Variants in SLC8A3 observed in about 807,000 individuals in gnomAD.
SLC8A3 encodes solute carrier family 8 member A3.
A neutral mutation model predicts 65.4 loss-of-function variants in SLC8A3; 37 were observed. The observed-to-expected ratio is 0.57, with a 90% CI of 0.44 to 0.74. The LOEUF (loss-of-function observed/expected upper bound fraction) is 0.74, where lower values mean the gene tolerates loss of function less well. Ranked by LOEUF, SLC8A3 falls within the 30% of genes least tolerant of loss-of-function variation. SLC8A3 has a pLI of 0.00. For missense variants in SLC8A3, 1,112 were observed against 1,172.1 expected (o/e 0.95, Z 0.75); for synonymous variants, 461 against 444.5 (o/e 1.04, Z -0.47).
chr14:70,081,409 A>G (rs1891042086), intron 2 of SLC8A3, among the ~76,000 whole-genome samples: 1 of 152,252 alleles, frequency 6.6e-6, no homozygotes, highest in Non-Finnish European at 1.5e-5. Context: ...TGGGAGATGG[A>G]ATAAAATTGC....
At chr14:70,086,530 T>C (rs1891459163) in intron 2 of SLC8A3, among the ~76,000 whole-genome samples, 1 of 151,330 alleles carries the variant, frequency 6.6e-6, no homozygotes, top group African/African-American at 2.4e-5. Flanking sequence ...GCCTCCCGAG[T>C]AGCTGGGATT....
chr14:70,062,517 G>A (rs1888922478), intron 2 of SLC8A3, among the ~76,000 whole-genome samples: 1 of 152,184 alleles, frequency 6.6e-6, no homozygotes, highest in Non-Finnish European at 1.5e-5. Context: ...CAGGTTTGTA[G>A]CCTAGGAGCA....
intron 2 of SLC8A3, among the ~76,000 whole-genome samples, chr14:70,101,479 G>C (rs1443869659): frequency 2.0e-5 from 3 of 152,184 alleles, no homozygotes; most frequent in African/African-American, 7.2e-5. Flanking sequence ...GGTGCAATAA[G>C]AAACTAGAGA....
intron 2 of SLC8A3, among the ~76,000 whole-genome samples, chr14:70,070,467 G>A (rs538574377): frequency 6.6e-6 from 1 of 152,304 alleles, no homozygotes; most frequent in Middle Eastern, 3.4e-3. Context: ...GCAGAGCTGG[G>A]AATTGAATTC....
intron 1 of SLC8A3, among the ~76,000 whole-genome samples, chr14:70,187,630 T>TGGG (rs1566843481): frequency 7.3e-6 from 1 of 136,476 alleles, no homozygotes. Context: ...TGTGTGTGTG[T>TGGG]GTGTGTGTGT....
chr14:70,082,977 A>G (rs72729859), intron 2 of SLC8A3, among the ~76,000 whole-genome samples: 8,825 of 152,166 alleles, frequency 0.058, 265 homozygotes, highest in Non-Finnish European at 0.065. Context: ...AGGGACAGGT[A>G]GGGAGAGGAG....
chr14:70,113,622 C>T (rs1893458432), intron 2 of SLC8A3, among the ~76,000 whole-genome samples: 1 of 152,130 alleles, frequency 6.6e-6, no homozygotes, highest in Admixed American at 6.5e-5. Flanking sequence ...GCCATTCTTA[C>T]CTCAATGTTG....
chr14:70,079,509 A>C (rs577309565), intron 2 of SLC8A3, among the ~76,000 whole-genome samples: 1 of 152,142 alleles, frequency 6.6e-6, no homozygotes, highest in Admixed American at 6.5e-5. Flanking sequence ...TCTAAAAAAA[A>C]AATCTATTGA....
At chr14:70,107,461 G>A (rs79094109) in intron 2 of SLC8A3, among the ~76,000 whole-genome samples, 5,275 of 152,114 alleles carry the variant, frequency 0.035, 328 homozygotes, top group African/African-American at 0.12. Context: ...GGGCACCCAA[G>A]GCATTTTCAG....
chr14:70,167,858 T>A lies in SLC8A3; in HGVS notation c.565A>T (p.Ile189Phe). 6.2e-7 allele frequency: 1 copy of A among 1,614,122 alleles called. No homozygotes were observed. The change falls in exon 2 of 7, where the codon ATC (isoleucine) becomes TTC (phenylalanine). Residue 189 changes from isoleucine to phenylalanine, a missense_variant. Transcript: ENST00000356921. ...FIIIGICVYV[I>F]PDGETRKIKH... ...ATCTTGCGAGTCTCTCCGTCTGGGA[T>A]CACGTAGACACAGATGCCAATGATG...
At chr14:70,165,955 A>G (rs562279757) in intron 2 of SLC8A3, among the ~76,000 whole-genome samples, 2 of 152,322 alleles carry the variant, frequency 1.3e-5, no homozygotes, top group South Asian at 4.1e-4. Flanking sequence ...CTGCCCTGGG[A>G]GCTCTGCTTC....
intron 2 of SLC8A3, among the ~76,000 whole-genome samples, chr14:70,096,517 T>C (rs1217794033): frequency 2.0e-5 from 3 of 152,160 alleles, no homozygotes; most frequent in Admixed American, 6.5e-5. Flanking sequence ...GCAATATAGA[T>C]TGGTGATTAA....
In SLC8A3 at chr14:70,048,889, A is replaced by T. The variant is rs1367587764; in HGVS notation, c.2267T>A (p.Ile756Asn). 2 of 1,614,084 alleles carry T rather than the reference A, an allele frequency of 1.2e-6. No individual in the cohort carries two copies. The highest frequency in any genetic ancestry group is 1.3e-5 in the African/African-American group (1 of 74,934). Residue 756 changes from isoleucine (I) to asparagine (N), a missense_variant, in exon 6 of 7, where the codon ATC (isoleucine) becomes AAC (asparagine). Physicochemically the swap from Ile to Asn is moderately radical, Grantham distance 149 (BLOSUM62 -3). Transcript: ENST00000356921. ...GGCGGTGAGCATGCCAATGATGAGG[A>T]TGGAGACGGCGAAGCAGGCCCAGCC... The part of the protein sequence containing the change: ...CHGWACFAVS[I>N]LIIGMLTAII...
At chr14:70,135,547 T>C (rs1382542785) in intron 2 of SLC8A3, among the ~76,000 whole-genome samples, 1 of 152,158 alleles carries the variant, frequency 6.6e-6, no homozygotes, top group African/African-American at 2.4e-5. Context: ...CAAAATGGAA[T>C]ACCATTTAGC....
chr14:70,139,761 T>C (rs1389008379), intron 2 of SLC8A3, among the ~76,000 whole-genome samples: 1 of 152,126 alleles, frequency 6.6e-6, no homozygotes, highest in Non-Finnish European at 1.5e-5. Flanking sequence ...GTTAGATGAA[T>C]GGACCTGACC....
chr14:70,151,786 C>T (rs953360149), intron 2 of SLC8A3, among the ~76,000 whole-genome samples: 10 of 152,156 alleles, frequency 6.6e-5, no homozygotes, highest in African/African-American at 2.4e-4. Flanking sequence ...CTGTTCCATG[C>T]CTTCCTCCAA....
chr14:70,152,821 C>T (rs1006466771), intron 2 of SLC8A3, among the ~76,000 whole-genome samples: 2 of 152,242 alleles, frequency 1.3e-5, no homozygotes, highest in Non-Finnish European at 2.9e-5. Flanking sequence ...AGGTTCTGGG[C>T]AGCTGAGCAG....
At chr14:70,060,016 A>T (rs1047463052) in intron 3 of SLC8A3, among the ~76,000 whole-genome samples, 2 of 152,182 alleles carry the variant, frequency 1.3e-5, no homozygotes, top group African/African-American at 4.8e-5. Flanking sequence ...ATAGAATGGC[A>T]TGGGGTGGGA....
At chr14:70,133,419 A>AG (rs1894978972) in intron 2 of SLC8A3, among the ~76,000 whole-genome samples, 1 of 152,192 alleles carries the variant, frequency 6.6e-6, no homozygotes, top group African/African-American at 2.4e-5. Flanking sequence ...AAAAACTGCA[A>AG]GAGGCCTAAG....
Sources: allele counts gnomAD v4.1 joint callset (sites outside exome capture counted in the v4.1 genomes callset), GRCh38; gene constraint gnomAD v4.1.1; transcripts MANE v1.5; gene names NCBI Gene and HGNC (gene_info 2026-07-23, HGNC 2026-07-21).